The following MAGI2 variants were observed in gnomAD, a reference collection of about 807,000 sequenced individuals.
MAGI2 encodes membrane-associated guanylate kinase, WW and PDZ domain-containing protein 2.
MAGI2 carries 35 observed loss-of-function variants against 133.3 expected under a neutral mutation model. The observed-to-expected ratio is 0.26, with a 90% CI of 0.20 to 0.35. The LOEUF (loss-of-function observed/expected upper bound fraction) is 0.35. Ranked by LOEUF, MAGI2 falls within the 10% of genes least tolerant of loss-of-function variation. The pLI is 1.00. For synonymous variants in MAGI2, 729 were observed against 710.6 expected (o/e 1.03, Z -0.41); for missense variants, 1,636 against 1,863.4 (o/e 0.88, Z 2.25).
At chr7:79,265,886 A>C (rs551442515) in intron 1 of MAGI2, among the ~76,000 whole-genome samples, 7 of 152,224 alleles carry the variant, frequency 4.6e-5, no homozygotes, top group East Asian at 3.9e-4. Context: ...ATTTTATTCT[A>C]GTTTGATTTT....
chr7:78,924,666 T>G (rs903720250), intron 2 of MAGI2, among the ~76,000 whole-genome samples: 13 of 152,010 alleles, frequency 8.6e-5, no homozygotes, highest in Non-Finnish European at 1.5e-4. Context: ...CTTTTTTGGT[T>G]GTGTCTCTGC....
At chr7:78,538,086 C>T (rs1798107509) in intron 3 of MAGI2, among the ~76,000 whole-genome samples, 1 of 152,118 alleles carries the variant, frequency 6.6e-6, no homozygotes, top group South Asian at 2.1e-4. Context: ...GAATAGGATG[C>T]CCTTTCCCCC....
At chr7:78,867,894 T>G (rs925398092) in intron 2 of MAGI2, among the ~76,000 whole-genome samples, 1 of 151,810 alleles carries the variant, frequency 6.6e-6, no homozygotes, top group African/African-American at 2.4e-5. Flanking sequence ...GTTTCGGGCT[T>G]GAAATACATT....
chr7:78,160,766 G>A (rs962757238), intron 15 of MAGI2, among the ~76,000 whole-genome samples: 2 of 152,178 alleles, frequency 1.3e-5, no homozygotes, highest in East Asian at 3.8e-4. Flanking sequence ...CAAGTTTCAA[G>A]GCTACACTTC....
intron 2 of MAGI2, among the ~76,000 whole-genome samples, chr7:78,998,411 T>TC (rs1294383494): frequency 6.6e-6 from 1 of 151,978 alleles, no homozygotes; most frequent in Non-Finnish European, 1.5e-5. Flanking sequence ...TTCATTTTAC[T>TC]CCCCCCTCCC....
intron 2 of MAGI2, among the ~76,000 whole-genome samples, chr7:78,828,986 T>A (rs1584057935): frequency 1.3e-5 from 2 of 152,256 alleles, no homozygotes; most frequent in Non-Finnish European, 2.9e-5. Context: ...AACTCTTATG[T>A]CAACTCAGTA....
chr7:78,632,632 C>T (rs1809141033), intron 2 of MAGI2, among the ~76,000 whole-genome samples: 1 of 152,200 alleles, frequency 6.6e-6, no homozygotes. Flanking sequence ...ACAGGTATTT[C>T]TGAACTATCA....
chr7:79,391,562 T>TATAC (rs1421027683), intron 1 of MAGI2, among the ~76,000 whole-genome samples: 2 of 68,352 alleles, frequency 2.9e-5, no homozygotes, highest in South Asian at 6.6e-4. Flanking sequence ...TATATATATA[T>TATAC]ACACACTTTA....
At chr7:78,614,734 A>C (rs1000565069) in intron 3 of MAGI2, 6 of 152,160 alleles carry the variant, frequency 3.9e-5, no homozygotes, top group African/African-American at 1.4e-4. Flanking sequence ...ATTGTTTCCA[A>C]ATAGAAGGTA....
chr7:78,823,306 G>A (rs183638741), intron 2 of MAGI2, among the ~76,000 whole-genome samples: 313 of 151,960 alleles, frequency 2.1e-3, no homozygotes, highest in African/African-American at 7.1e-3. Flanking sequence ...ACTGTCGGCC[G>A]GGCGCGGTGG....
At chr7:78,504,816 T>C (rs1196377050) in intron 4 of MAGI2, among the ~76,000 whole-genome samples, 1 of 152,102 alleles carries the variant, frequency 6.6e-6, no homozygotes, top group African/African-American at 2.4e-5. Flanking sequence ...ATAAATAGTG[T>C]TTGTCATTAC....
chr7:78,058,707 T>G (rs548593215), intron 21 of MAGI2, among the ~76,000 whole-genome samples: 10 of 151,992 alleles, frequency 6.6e-5, no homozygotes, highest in East Asian at 1.9e-4. Context: ...TTTTATACCC[T>G]CAGATTAATT....
intron 2 of MAGI2, among the ~76,000 whole-genome samples, chr7:78,898,085 G>C (rs1797346548): frequency 6.6e-6 from 1 of 152,134 alleles, no homozygotes; most frequent in Non-Finnish European, 1.5e-5. Context: ...ATGAAAGAAA[G>C]CTGAATATCA....
intron 2 of MAGI2, among the ~76,000 whole-genome samples, chr7:78,990,182 T>C (rs1805628069): frequency 6.6e-6 from 1 of 152,084 alleles, no homozygotes; most frequent in Admixed American, 6.6e-5. Context: ...ATTTTACAAA[T>C]GATGAAACTG....
At chr7:78,332,174 A>G (rs1789275143) in intron 9 of MAGI2, among the ~76,000 whole-genome samples, 1 of 152,240 alleles carries the variant, frequency 6.6e-6, no homozygotes, top group South Asian at 2.1e-4. Context: ...TGAAGAGGGA[A>G]TAAAGAGGAC....
chr7:78,189,133 T>A (rs2150719736), intron 12 of MAGI2, among the ~76,000 whole-genome samples: 1 of 152,268 alleles, frequency 6.6e-6, no homozygotes, highest in Non-Finnish European at 1.5e-5. Flanking sequence ...AGTTTAGAAA[T>A]ACAACCACCC....
intron 1 of MAGI2, among the ~76,000 whole-genome samples, chr7:79,392,199 T>C (rs979892919): frequency 1.4e-4 from 21 of 152,210 alleles, no homozygotes; most frequent in African/African-American, 5.1e-4. Flanking sequence ...CATTCTTTTT[T>C]ATGGCTGCAT....
intron 21 of MAGI2, among the ~76,000 whole-genome samples, chr7:78,033,448 G>A (rs1239926189): frequency 8.7e-5 from 12 of 137,214 alleles, no homozygotes; most frequent in African/African-American, 3.0e-4. Context: ...ACTCTAGCCT[G>A]AGCAACACAG....
At chr7:78,962,333 C>G (rs1802914359) in intron 2 of MAGI2, among the ~76,000 whole-genome samples, 1 of 152,056 alleles carries the variant, frequency 6.6e-6, no homozygotes, top group Non-Finnish European at 1.5e-5. Flanking sequence ...TTAGTTAAAA[C>G]TTCGTCTCAA....
Sources: allele counts gnomAD v4.1 joint callset (sites outside exome capture counted in the v4.1 genomes callset), GRCh38; gene constraint gnomAD v4.1.1; transcripts MANE v1.5; gene names NCBI Gene and HGNC (gene_info 2026-07-23, HGNC 2026-07-21).